The following CRK variants were observed in gnomAD, a reference collection of about 807,000 sequenced individuals.
CRK encodes the protein CRK proto-oncogene, adaptor protein.
A neutral mutation model predicts 29.8 loss-of-function variants in CRK; 4 were observed. The observed-to-expected ratio is 0.13, with a 90% CI of 0.07 to 0.31. CRK has a LOEUF of 0.31. Among genes scored for constraint, CRK ranks in the 10% least tolerant of loss-of-function variants. The pLI is 1.00. For synonymous variants in CRK, 153 were observed against 164.9 expected (o/e 0.93, Z 0.55); for missense variants, 274 against 396.5 (o/e 0.69, Z 2.62).
intron 1 of CRK, among the ~76,000 whole-genome samples, chr17:1,439,876 G>C (rs2073920633): frequency 6.6e-6 from 1 of 151,940 alleles, no homozygotes; most frequent in South Asian, 2.1e-4. Flanking sequence ...AATTTTGTTG[G>C]GCGTGGTGCC....
chr17:1,428,058 C>A (rs1469793969), intron 2 of CRK, among the ~76,000 whole-genome samples: 3 of 151,768 alleles, frequency 2.0e-5, no homozygotes, highest in South Asian at 2.1e-4. Context: ...CAGAACCATA[C>A]CAATTTCTCA....
In CRK at chr17:1,456,205, G is replaced by A. The variant is rs1245135809; in HGVS notation, c.-88C>T. ...CCCGCCGCCCAGCGGACCGGCTCCG[G>A]TTTCAGCTTCACAGCAGCGCCCGAA... On this transcript the variant is annotated 5_prime_UTR_variant, in exon 1 of 3. Transcript: ENST00000300574. 1.2e-5 allele frequency: 16 copies of A among 1,340,762 alleles called. No individual in the cohort carries two copies. Among genetic ancestry groups the A allele is most frequent in the Middle Eastern group, 2.7e-4 (1 of 3,702 alleles). 83.1% of individuals were successfully genotyped at this position (1,340,762 alleles called of 1,614,324 possible).
At chr17:1,427,661 ACT>A (rs559546307) in intron 2 of CRK, among the ~76,000 whole-genome samples, 6 of 151,310 alleles carry the variant, frequency 4.0e-5, no homozygotes, top group Non-Finnish European at 8.8e-5. Context: ...AGAGAGTCTC[ACT>A]CTGTCACCCA....
At chr17:1,437,358 G>C (rs1598298921) in intron 1 of CRK, among the ~76,000 whole-genome samples, 1 of 151,702 alleles carries the variant, frequency 6.6e-6, no homozygotes, top group African/African-American at 2.4e-5. Context: ...GGCCGAAATG[G>C]AGCTTTCATG....
chr17:1,425,649 C>G (rs2073771498), intron 2 of CRK, among the ~76,000 whole-genome samples: 1 of 152,210 alleles, frequency 6.6e-6, no homozygotes, highest in South Asian at 2.1e-4. Flanking sequence ...ACTGGGTTCC[C>G]TAAAAATGTA....
At chr17:1,433,609 C>A (rs190283803) in intron 2 of CRK, among the ~76,000 whole-genome samples, 1 of 146,652 alleles carries the variant, frequency 6.8e-6, no homozygotes, top group Non-Finnish European at 1.5e-5. Context: ...ATCTCTGCCT[C>A]CCGGGTTCAA....
intron 1 of CRK, among the ~76,000 whole-genome samples, chr17:1,451,341 G>A (rs1380772711): frequency 2.0e-5 from 3 of 151,582 alleles, no homozygotes; most frequent in Non-Finnish European, 2.9e-5. Flanking sequence ...AGCGATTCTC[G>A]TGCCTTAGCC....
intron 1 of CRK, among the ~76,000 whole-genome samples, chr17:1,442,189 C>T (rs1313525602): frequency 6.8e-6 from 1 of 147,282 alleles, no homozygotes; most frequent in Admixed American, 6.9e-5. Context: ...GGGTCTTGTT[C>T]TGTCACCCAG....
At chr17:1,435,342 C>T (rs898693926) in intron 2 of CRK, among the ~76,000 whole-genome samples, 10 of 152,082 alleles carry the variant, frequency 6.6e-5, no homozygotes, top group East Asian at 1.9e-4. Context: ...ATGAGCCACA[C>T]GCCCAGCCTT....
chr17:1,421,956 C>T lies in CRK; in HGVS notation c.*1557G>A, dbSNP rs1380199390. ...CTAAATAGCCTAGGTCATTTTTGGT[C>T]TCATAGGTCTATTTTGTGGAGCACC... On this transcript the variant is annotated 3_prime_UTR_variant, in exon 3 of 3. Coordinates refer to ENST00000300574, the MANE Select transcript of CRK (RefSeq NM_016823.4). 1 of 151,988 alleles carries T rather than the reference C, an allele frequency of 6.6e-6. No homozygotes were observed. Among genetic ancestry groups the T allele is most frequent in the African/African-American group, 2.4e-5 (1 of 41,376 alleles). The allele number at this position is 151,988 out of a possible 1,614,324, so 9.4% of individuals were successfully genotyped here.
chr17:1,450,717 G>A (rs1598305868), intron 1 of CRK, among the ~76,000 whole-genome samples: 1 of 151,530 alleles, frequency 6.6e-6, no homozygotes, highest in East Asian at 2.0e-4. Context: ...AACCCCGTCT[G>A]TACTAAAAAT....
intron 1 of CRK, among the ~76,000 whole-genome samples, chr17:1,440,837 A>G (rs2073929618): frequency 6.6e-6 from 1 of 152,164 alleles, no homozygotes; most frequent in African/African-American, 2.4e-5. Flanking sequence ...CCAGGGAGTC[A>G]AGGCTACCGT....
rs2073892522 is a variant in CRK at position 1,437,120 on chromosome 17, C to G, written c.277G>C (p.Glu93Gln). 6.2e-7 allele frequency: 1 copy of G among 1,613,386 alleles called. No homozygotes were observed. Residue 93 changes from glutamate to glutamine, a missense_variant, in exon 2 of 3, where the codon GAG becomes CAG. Coordinates refer to ENST00000300574, the MANE Select transcript of CRK (RefSeq NM_016823.4). ...AGTAAAGCAGGCAATGAATCAAACT[C>G]TTGATCTCCTATTCGGAGTCTGGAG... ...SPSRLRIGDQ[E>Q]FDSLPALLEF...
chr17:1,430,418 G>A lies in CRK; in HGVS notation c.777+6202C>T, dbSNP rs533374410. Among the ~76,000 whole-genome samples the A allele has an allele frequency of 8.8e-5, 13 of 148,110 alleles. No individual in the cohort carries two copies. The South Asian group carries it at 2.4e-3, about 27-fold the overall frequency. ...GTCGCCCAGGCTGGAGTGCAGTGGC[G>A]CGATCTTGGCTCACTGCAAGCTCCG... On this transcript the variant is annotated intron_variant, in intron 2 of 2. Transcript: ENST00000300574.
intron 1 of CRK, among the ~76,000 whole-genome samples, chr17:1,453,551 C>A (rs1231268077): frequency 6.6e-6 from 1 of 152,146 alleles, no homozygotes; most frequent in Admixed American, 6.6e-5. Flanking sequence ...ATTAAACAGG[C>A]CACAATGAGA....
intron 1 of CRK, among the ~76,000 whole-genome samples, chr17:1,452,797 G>T (rs376252115): frequency 2.0e-5 from 2 of 98,084 alleles, no homozygotes; most frequent in East Asian, 3.1e-4. Context: ...GTCTCAAAAA[G>T]AAAAAAAAAA....
At position 1,430,569 on chromosome 17, in the gene CRK, A is replaced by G. The variant is rs370550781; in HGVS notation, c.777+6051T>C. On this transcript the variant is annotated intron_variant, in intron 2 of 2. Coordinates refer to ENST00000300574, the MANE Select transcript of CRK (RefSeq NM_016823.4). ...TTTAGTAGAGATGGGATTTCACAGT[A>G]TTAGCCAGGATGGTCTCCATTTCCT... is the stretch of plus-strand genomic sequence containing the variant. Among the ~76,000 whole-genome samples the G allele has an allele frequency of 3.2e-3, 437 of 136,992 alleles. 1 individual carries two copies. The highest frequency in any genetic ancestry group is 0.016 in the East Asian group (73 of 4,452). 89.9% of individuals were successfully genotyped at this position (136,992 alleles called of 152,430 possible).
intron 1 of CRK, among the ~76,000 whole-genome samples, chr17:1,443,466 G>A (rs565962493): frequency 6.6e-6 from 1 of 152,214 alleles, no homozygotes; most frequent in African/African-American, 2.4e-5. Flanking sequence ...TGCAATCTTG[G>A]CTCACTGCAA....
intron 2 of CRK, among the ~76,000 whole-genome samples, chr17:1,428,521 C>CTTTTTTTT (rs754259440): frequency 6.3e-5 from 7 of 111,198 alleles, no homozygotes; most frequent in Non-Finnish European, 8.7e-5. Context: ...CATATCAGAT[C>CTTTTTTTT]TTTTTTTTTT....
Sources: gnomAD v4.1 joint callset for allele counts (sites outside exome capture counted in the v4.1 genomes callset) on GRCh38, gnomAD v4.1.1 for gene constraint, MANE v1.5 for transcripts, NCBI Gene and HGNC (gene_info 2026-07-23, HGNC 2026-07-21) for gene names.